ARHGAP29: variants seen among roughly 807,000 people sequenced by gnomAD.
The protein encoded by ARHGAP29 is Rho GTPase activating protein 29.
A neutral mutation model predicts 122.6 loss-of-function variants in ARHGAP29; 43 were observed. The ratio of observed to expected loss-of-function variants is 0.35; its 90% confidence interval spans 0.27 to 0.45. The LOEUF (loss-of-function observed/expected upper bound fraction) is 0.45, where lower values mean the gene tolerates loss of function less well. Among genes scored for constraint, ARHGAP29 ranks in the 20% least tolerant of loss-of-function variants. The pLI is 1.00. For missense variants in ARHGAP29, 1,303 were observed against 1,477.2 expected (o/e 0.88, Z 1.93); for synonymous variants, 506 against 497.1 (o/e 1.02, Z -0.24).
At chr1:94,197,193 C>G (rs192787373) in intron 12 of ARHGAP29, among the ~76,000 whole-genome samples, 117 of 152,062 alleles carry the variant, frequency 7.7e-4, no homozygotes, top group Non-Finnish European at 1.2e-3. Context: ...GTTATTACTA[C>G]AGCCCACTGA....
intron 15 of ARHGAP29, among the ~76,000 whole-genome samples, chr1:94,187,000 A>G (rs956713191): frequency 6.6e-6 from 1 of 152,228 alleles, no homozygotes; most frequent in African/African-American, 2.4e-5. Flanking sequence ...ATAAATGTAT[A>G]CAATTAAACC....
At chr1:94,174,788 G>T in intron 22 of ARHGAP29, 39 bp from the exon 23 acceptor site, 3 of 1,585,804 alleles carry the variant, frequency 1.9e-6, no homozygotes, top group South Asian at 2.3e-5. Flanking sequence ...TGTGGCACAT[G>T]GTTAATAAGA....
At chr1:94,216,764 T>C (rs954352010) in intron 3 of ARHGAP29, among the ~76,000 whole-genome samples, 1 of 152,128 alleles carries the variant, frequency 6.6e-6, no homozygotes, top group African/African-American at 2.4e-5. Flanking sequence ...TTGACCAAAA[T>C]AACTGAAAAT....
At chr1:94,188,270 A>G (rs1166117927) in intron 15 of ARHGAP29, among the ~76,000 whole-genome samples, 1 of 152,212 alleles carries the variant, frequency 6.6e-6, no homozygotes, top group Non-Finnish European at 1.5e-5. Flanking sequence ...AAAGTATCTT[A>G]AAGCACATTT....
intron 22 of ARHGAP29, among the ~76,000 whole-genome samples, chr1:94,175,505 G>A (rs1315609337): frequency 2.0e-5 from 3 of 152,118 alleles, no homozygotes. Flanking sequence ...ACGCCATCCT[G>A]ACTTTAAGCT....
intron 3 of ARHGAP29, among the ~76,000 whole-genome samples, chr1:94,213,295 T>G (rs2101557873): frequency 6.6e-6 from 1 of 152,288 alleles, no homozygotes; most frequent in East Asian, 1.9e-4. Flanking sequence ...TTCTCCTGCC[T>G]CAGCCTCCCG....
chr1:94,232,640 A>T (rs1652988651), intron 1 of ARHGAP29, among the ~76,000 whole-genome samples: 1 of 152,194 alleles, frequency 6.6e-6, no homozygotes, highest in African/African-American at 2.4e-5. Context: ...ATGAAAAGGG[A>T]TCACAAAATT....
In ARHGAP29 at chr1:94,185,394, T is replaced by C; in HGVS notation, c.1868A>G (p.Lys623Arg). The C allele has an allele frequency of 6.2e-7, 1 of 1,612,144 alleles. No homozygotes were observed. Among genetic ancestry groups the C allele is most frequent in the Non-Finnish European group, 8.5e-7 (1 of 1,179,030 alleles). The part of the protein sequence containing the change: ...HKFRKLRSPT[K>R]CRDCEGIVVF... ...TACAATGCCTTCACAATCCCTACAT[T>C]TCGTGGGGGATCTCAATTTGCGAAA... Residue 623 changes from lysine (K) to arginine (R), a missense_variant, in exon 17 of 23, where the codon AAA becomes AGA. Lys to Arg is a conservative substitution (Grantham distance 26). This residue lies in a region of ARHGAP29 where 91 missense variants were observed against 177.8 expected (regional missense o/e 0.51). Coordinates refer to ENST00000260526, the MANE Select transcript of ARHGAP29 (RefSeq NM_004815.4).
intron 1 of ARHGAP29, among the ~76,000 whole-genome samples, chr1:94,247,441 T>G (rs962317793): frequency 4.0e-5 from 6 of 151,396 alleles, no homozygotes; most frequent in African/African-American, 1.5e-4. Flanking sequence ...CGCGCCTGCC[T>G]CGCCGGGCGC....
At chr1:94,189,035 T>C in intron 14 of ARHGAP29, 94 bp from the exon 15 acceptor site, 9 of 1,404,646 alleles carry the variant, frequency 6.4e-6, no homozygotes, top group Non-Finnish European at 8.9e-6. Flanking sequence ...TTCAAATTTC[T>C]TTAACAATAA....
At chr1:94,250,121 G>A (rs112839251) in intron 1 of ARHGAP29, among the ~76,000 whole-genome samples, 105 of 152,278 alleles carry the variant, frequency 6.9e-4, no homozygotes, top group African/African-American at 2.5e-3. Context: ...GTTCCCTGAG[G>A]TGAAGGGACT....
intron 3 of ARHGAP29, 100 bp from the exon 4 acceptor site, chr1:94,209,450 CATT>C (rs1651440962): frequency 1.6e-6 from 1 of 634,410 alleles, no homozygotes; most frequent in African/African-American, 1.9e-5. Flanking sequence ...GTTCAAGAAG[CATT>C]AGAAGATTCA....
At chr1:94,312,797 G>A in the ARHGAP29 span, among the ~76,000 whole-genome samples, 1 of 151,808 alleles carries the variant, frequency 6.6e-6, no homozygotes, top group Admixed American at 6.6e-5. Flanking sequence ...CTTCCCTATA[G>A]GTACTTCAAT....
the ARHGAP29 span, among the ~76,000 whole-genome samples, chr1:94,312,359 T>TG: frequency 1.4e-5 from 2 of 147,450 alleles, no homozygotes; most frequent in Admixed American, 6.7e-5. Flanking sequence ...TTATTTGTTT[T>TG]TTTTTTTTTT....
chr1:94,291,497 A>G, the ARHGAP29 span, among the ~76,000 whole-genome samples: 1 of 152,162 alleles, frequency 6.6e-6, no homozygotes, highest in African/African-American at 2.4e-5. Flanking sequence ...TGTCATTATG[A>G]TGCTAGCTGG....
At chr1:94,303,655 G>A in the ARHGAP29 span, among the ~76,000 whole-genome samples, 1 of 152,236 alleles carries the variant, frequency 6.6e-6, no homozygotes, top group Non-Finnish European at 1.5e-5. Flanking sequence ...AGTGCAGTGT[G>A]AGTGAATACA....
chr1:94,260,609 T>C (rs1654523603), intron 1 of ARHGAP29, among the ~76,000 whole-genome samples: 1 of 152,090 alleles, frequency 6.6e-6, no homozygotes, highest in Non-Finnish European at 1.5e-5. Context: ...AGAGTTTAAA[T>C]AGAATGCTTT....
chr1:94,285,317 TG>T, the ARHGAP29 span, among the ~76,000 whole-genome samples: 1 of 151,886 alleles, frequency 6.6e-6, no homozygotes, highest in Non-Finnish European at 1.5e-5. Context: ...TTGAGTGCTA[TG>T]TTCACTCCTG....
intron 1 of ARHGAP29, among the ~76,000 whole-genome samples, chr1:94,270,044 A>G (rs1381172102): frequency 2.0e-5 from 3 of 152,218 alleles, no homozygotes; most frequent in Non-Finnish European, 2.9e-5. Flanking sequence ...ATCATTTGTC[A>G]TAAAATATTC....
Sources: allele counts gnomAD v4.1 joint callset (sites outside exome capture counted in the v4.1 genomes callset), GRCh38; gene constraint gnomAD v4.1.1; regional missense constraint gnomAD v4.1.1; transcripts MANE v1.5; gene names NCBI Gene and HGNC (gene_info 2026-07-23, HGNC 2026-07-21).